IAH1: variants seen among roughly 807,000 people sequenced by gnomAD.
IAH1 encodes the protein isoamyl acetate-hydrolyzing esterase 1 homolog.
IAH1 carries 24 observed loss-of-function variants against 26.7 expected under a neutral mutation model. The observed-to-expected ratio is 0.90, with a 90% CI of 0.65 to 1.26. IAH1 has a LOEUF of 1.26. Ranked by LOEUF, IAH1 falls within the 50% of genes most tolerant of loss-of-function variation. The pLI is 0.00. For missense variants in IAH1, 300 were observed against 299.9 expected (o/e 1.00, Z 0.00); for synonymous variants, 140 against 118.5 (o/e 1.18, Z -1.18).
At chr2:9,488,124 T>C (rs1293558830) in intron 5 of IAH1, 23 bp from the exon 6 acceptor site, 1 of 1,557,996 alleles carries the variant, frequency 6.4e-7, no homozygotes, top group Non-Finnish European at 8.7e-7. Context: ...TACCCACCTT[T>C]AACCGATTTC....
At position 9,474,815 on chromosome 2, in the gene IAH1, C is replaced by T; in HGVS notation, c.81+168C>T. 2 of 548,752 alleles carry T rather than the reference C, an allele frequency of 3.6e-6. No individual in the cohort carries two copies. Among genetic ancestry groups the T allele is most frequent in the Non-Finnish European group, 5.7e-6 (2 of 351,340 alleles). 34.0% of individuals were successfully genotyped at this position (548,752 alleles called of 1,614,324 possible). ...AGTGGCGGGTCCCCCAGTGGCTGCG[C>T]CTTCCGGGCCCGCGGCGTCCCGGAG... is the stretch of plus-strand genomic sequence containing the variant. On this transcript the variant is annotated intron_variant, in intron 1 of 5. Coordinates refer to ENST00000497473, the MANE Select transcript of IAH1 (RefSeq NM_001039613.3). This position sits in a 1 kb window ranked among gnomAD's most constrained non-coding sequence, Gnocchi z 4.3.
chr2:9,509,686 ACCAGACCCTGAAAT>A, the IAH1 span, among the ~76,000 whole-genome samples: 1 of 152,210 alleles, frequency 6.6e-6, no homozygotes, highest in East Asian at 1.9e-4. Flanking sequence ...GCCTGAGCCC[ACCAGACCCTGAAAT>A]CCAGAACTCC....
chr2:9,495,725 G>A (rs1056276519), intron 6 of IAH1, among the ~76,000 whole-genome samples: 371 of 133,240 alleles, frequency 2.8e-3, no homozygotes, highest in Non-Finnish European at 4.7e-3. Context: ...AAAAAAAAAA[G>A]AAAACCTTTT....
downstream of IAH1, chr2:9,493,663 C>A: frequency 8.4e-7 from 1 of 1,184,106 alleles, no homozygotes; most frequent in Admixed American, 1.9e-5. Context: ...AGAATTAAAG[C>A]ACATCACTCT....
chr2:9,487,837 C>CGTGTGTGTGTGT (rs1448938576), intron 5 of IAH1, among the ~76,000 whole-genome samples: 3 of 73,922 alleles, frequency 4.1e-5, no homozygotes, highest in Admixed American at 1.2e-4. Flanking sequence ...TGTGTGTGCG[C>CGTGTGTGTGTGT]GCGCGCGCGC....
chr2:9,482,791 G>A (rs1019412213), intron 4 of IAH1, among the ~76,000 whole-genome samples: 1 of 152,222 alleles, frequency 6.6e-6, no homozygotes, highest in African/African-American at 2.4e-5. Flanking sequence ...ACACACCGGA[G>A]GCACAGACAA....
At chr2:9,475,296 T>G (rs1682418211) in intron 1 of IAH1, 1 of 926,454 alleles carries the variant, frequency 1.1e-6, no homozygotes, top group Admixed American at 2.3e-5. Context: ...TCACCAGGCT[T>G]TTGTGTATAC....
chr2:9,474,532 G>A (rs1477490969), upstream of IAH1: 3 of 1,290,786 alleles, frequency 2.3e-6, no homozygotes, highest in East Asian at 6.2e-5. The surrounding 1 kb of genome is among the most constrained non-coding windows in gnomAD (Gnocchi z 4.3). Flanking sequence ...GCCTCTCGTG[G>A]CTGGCGGCCC....
intron 4 of IAH1, among the ~76,000 whole-genome samples, chr2:9,482,103 C>T (rs1332862227): frequency 6.7e-6 from 1 of 149,040 alleles, no homozygotes; most frequent in African/African-American, 2.5e-5. Flanking sequence ...ACGATCTCGG[C>T]TCACTGCAAC....
At chr2:9,477,765 A>T (rs531730046) in intron 2 of IAH1, among the ~76,000 whole-genome samples, 5 of 152,112 alleles carry the variant, frequency 3.3e-5, no homozygotes, top group Non-Finnish European at 7.4e-5. Flanking sequence ...AAACACAACG[A>T]ATGTATTTAC....
chr2:9,478,488 C>G, intron 3 of IAH1, 118 bp downstream of exon 3: 1 of 967,068 alleles, frequency 1.0e-6, no homozygotes, highest in Non-Finnish European at 1.5e-6. Flanking sequence ...ACAGTTTTGC[C>G]AAACTTATGT....
At chr2:9,480,670 T>C (rs1458907005) in intron 3 of IAH1, among the ~76,000 whole-genome samples, 1 of 152,208 alleles carries the variant, frequency 6.6e-6, no homozygotes, top group Admixed American at 6.5e-5. Context: ...CTTTTTTCCT[T>C]TATACTGTAC....
chr2:9,510,514 A>C, the IAH1 span, among the ~76,000 whole-genome samples: 1 of 152,034 alleles, frequency 6.6e-6, no homozygotes, highest in African/African-American at 2.4e-5. Context: ...AAATACAAAA[A>C]TTAGCTGGGC....
downstream of IAH1, among the ~76,000 whole-genome samples, chr2:9,498,388 ATGAG>A (rs1325025530): frequency 6.6e-6 from 1 of 152,246 alleles, no homozygotes; most frequent in Non-Finnish European, 1.5e-5. Context: ...ACAGGATGGA[ATGAG>A]TGAATCATTC....
At chr2:9,508,105 A>G in the IAH1 span, among the ~76,000 whole-genome samples, 1 of 152,192 alleles carries the variant, frequency 6.6e-6, no homozygotes, top group Admixed American at 6.5e-5. Flanking sequence ...CTGCAAAGTA[A>G]AACATTTTGC....
the IAH1 span, among the ~76,000 whole-genome samples, chr2:9,505,810 G>C: frequency 1.3e-5 from 2 of 152,270 alleles, no homozygotes; most frequent in South Asian, 4.1e-4. Context: ...AGAAATGCAG[G>C]AGAAGGGGTT....
At chr2:9,484,696 G>A (rs1661377560) in intron 5 of IAH1, 146 bp downstream of exon 5, 1 of 596,432 alleles carries the variant, frequency 1.7e-6, no homozygotes, top group East Asian at 2.9e-5. Flanking sequence ...GCTTGGGGGA[G>A]GGGAGGAATG....
At chr2:9,504,670 G>A in the IAH1 span, among the ~76,000 whole-genome samples, 1 of 150,650 alleles carries the variant, frequency 6.6e-6, no homozygotes, top group Non-Finnish European at 1.5e-5. Flanking sequence ...GCTAAGGCAG[G>A]GGAATCACTT....
rs774264871 is a variant in IAH1, at chr2:9,474,564, T to C, written c.-3T>C. 339 of 1,352,308 alleles carry C rather than the reference T, an allele frequency of 2.5e-4. 4 individuals carry two copies. In the South Asian group the frequency reaches 4.2e-3, roughly 17 times the overall value. 83.8% of individuals were successfully genotyped at this position (1,352,308 alleles called of 1,614,324 possible). A position where few individuals can be genotyped will look rare whatever the true frequency, so the allele number is the denominator to read the frequency against. ...GCCCCGCCCCGCCCCGCCCGGCTGC[T>C]CCATGGCGCTGTGCGAGGCCGCGGG... On this transcript the variant is annotated 5_prime_UTR_variant, in exon 1 of 6. Transcript: ENST00000497473. The surrounding 1 kb of genome is among the most constrained non-coding windows in gnomAD (Gnocchi z 4.3).
Sources: gnomAD v4.1 joint callset for allele counts (sites outside exome capture counted in the v4.1 genomes callset) on GRCh38, gnomAD v4.1.1 for gene constraint, Gnocchi (gnomAD v3.1) non-coding constraint, MANE v1.5 for transcripts, NCBI Gene and HGNC (gene_info 2026-07-23, HGNC 2026-07-21) for gene names.